The following WDR49 variants were observed in gnomAD, a reference collection of about 807,000 sequenced individuals.
The protein encoded by WDR49 is WD repeat domain 49, also known as cilia- and flagella-associated protein 337.
In WDR49, 107 loss-of-function variants were observed where a neutral mutation model predicts 119.5. The ratio of observed to expected loss-of-function variants is 0.90; its 90% CI spans 0.77 to 1.05. The LOEUF (loss-of-function observed/expected upper bound fraction) is 1.05. Among genes scored for constraint, WDR49 ranks in the 50% least tolerant of loss-of-function variants. The probability of loss-of-function intolerance (pLI) is 0.00; values close to 1 mark genes in which losing one functional copy is unlikely to be tolerated. For missense variants in WDR49, 1,240 were observed against 1,220.5 expected, an observed-to-expected ratio of 1.02 and a Z score of -0.24; for synonymous variants, 425 against 418.8, an observed-to-expected ratio of 1.01 and a Z score of -0.18.
At chr3:167,655,963 T>C (rs1718594201), upstream of WDR49, among the ~76,000 whole-genome samples, 4 of 152,098 alleles carry the variant, frequency 2.6e-5, no homozygotes, top group South Asian at 6.2e-4. Flanking sequence ...AAGTCCTGAA[T>C]TGTGACCTGG....
intron 15 of WDR49, 110 bp from the exon 16 acceptor site, chr3:167,522,594 C>T: frequency 9.1e-7 from 1 of 1,098,254 alleles, no homozygotes; most frequent in Non-Finnish European, 1.3e-6. Flanking sequence ...GGGTGGGACA[C>T]ACAAGAAGAT....
In WDR49 at chr3:167,539,517, C is replaced by T. The variant is rs190758294; in HGVS notation, c.1824-2517G>A. On this transcript the variant is annotated intron_variant, in intron 10 of 18. Transcript: ENST00000682715. ...CCTCTTCTGACCTCTTAACATCATTCACATTTAACTTGTAACATTTAATGT... is the reference window on the plus strand; with the variant it reads ...CCTCTTCTGACCTCTTAACATCATTTACATTTAACTTGTAACATTTAATGT... 1.3e-3 allele frequency among the ~76,000 whole-genome samples: 204 copies of T among 152,220 alleles called. 4 individuals carry two copies. The East Asian group carries it at 0.031, about 23-fold the overall frequency.
intron 11 of WDR49, among the ~76,000 whole-genome samples, chr3:167,534,801 T>A (rs1699774582): frequency 6.6e-6 from 1 of 152,188 alleles, no homozygotes; most frequent in Admixed American, 6.6e-5. Context: ...AGCATGCCTA[T>A]GAATCATTTT....
intron 8 of WDR49, chr3:167,566,953 A>G (rs1713642548): frequency 1.6e-6 from 1 of 610,368 alleles, no homozygotes; most frequent in East Asian, 2.9e-5. Flanking sequence ...GAGACCAAAG[A>G]GGTGGAGGAG....
intron 2 of WDR49, among the ~76,000 whole-genome samples, chr3:167,638,271 T>C (rs771216579): frequency 2.6e-5 from 4 of 151,652 alleles, no homozygotes; most frequent in African/African-American, 9.6e-5. Flanking sequence ...AAATTGCTCA[T>C]AATTGAATCT....
At chr3:167,598,094 C>A (rs1295144997) in intron 7 of WDR49, among the ~76,000 whole-genome samples, 1 of 152,018 alleles carries the variant, frequency 6.6e-6, no homozygotes, top group East Asian at 1.9e-4. Flanking sequence ...ATCACGAGGA[C>A]AGGAGATCGA....
At chr3:167,615,840 C>G (rs1716572113) in intron 5 of WDR49, among the ~76,000 whole-genome samples, 1 of 152,210 alleles carries the variant, frequency 6.6e-6, no homozygotes, top group South Asian at 2.1e-4. Context: ...GACACTCACT[C>G]CAGCATCCTT....
At chr3:167,503,845 T>G (rs1751671021) in intron 17 of WDR49, among the ~76,000 whole-genome samples, 1 of 152,246 alleles carries the variant, frequency 6.6e-6, no homozygotes, top group Admixed American at 6.5e-5. Context: ...CCAAAGGTGG[T>G]TGCCGTTGCC....
intron 17 of WDR49, 114 bp downstream of exon 17, chr3:167,505,193 C>G: frequency 8.1e-7 from 1 of 1,228,272 alleles, no homozygotes; most frequent in Non-Finnish European, 1.0e-6. Flanking sequence ...CAGAACATTA[C>G]ATTCATGTTT....
At chr3:167,554,211 C>T (rs929211041) in intron 10 of WDR49, among the ~76,000 whole-genome samples, 1 of 152,052 alleles carries the variant, frequency 6.6e-6, no homozygotes, top group Non-Finnish European at 1.5e-5. Flanking sequence ...TTTCGAAAGA[C>T]ATTTTCTGCA....
chr3:167,628,166 T>C (rs1717215665), intron 2 of WDR49, among the ~76,000 whole-genome samples: 1 of 152,064 alleles, frequency 6.6e-6, no homozygotes, highest in Admixed American at 6.6e-5. Flanking sequence ...CTCCCTTTCC[T>C]TGGGCCTCCC....
Position 167,621,631 on chromosome 3 carries a change from A to C in WDR49, c.619T>G (p.Phe207Val). The C allele has an allele frequency of 6.5e-7, 1 of 1,532,148 alleles. No homozygotes were observed. Among genetic ancestry groups the C allele is most frequent in the Non-Finnish European group, 8.7e-7 (1 of 1,145,264 alleles). The allele number at this position is 1,532,148 out of a possible 1,614,324, so 94.9% of individuals were successfully genotyped here. The change falls in exon 4 of 19, where the codon TTT (phenylalanine) becomes GTT (valine). Residue 207 changes from phenylalanine to valine, a missense_variant. By Grantham distance (50) the Phe-to-Val change is conservative. Transcript: ENST00000682715. ...TAGAAACAAACCTCTTTACTTGTAAAAGCCACTGCTATCTAAAGTAGCAGA... is the reference window on the plus strand; with the variant it reads ...TAGAAACAAACCTCTTTACTTGTAACAGCCACTGCTATCTAAAGTAGCAGA... ...LENVNKIAVA[F>V]TSKEVCFYDL...
At chr3:167,576,179 A>G (rs1714242949) in intron 7 of WDR49, 28 bp from the exon 8 acceptor site, 1 of 1,590,262 alleles carries the variant, frequency 6.3e-7, no homozygotes, top group Non-Finnish European at 8.6e-7. Flanking sequence ...AAATCATTTC[A>G]ATATGTCAAA....
chr3:167,567,058 T>C (rs10936541), intron 8 of WDR49, among the ~76,000 whole-genome samples: 30,420 of 152,044 alleles, frequency 0.2, 3,301 homozygotes, highest in South Asian at 0.27. Flanking sequence ...TTGCTCTTTC[T>C]TTTCTCTAAA....
At chr3:167,548,337 G>A (rs1441560941) in intron 10 of WDR49, among the ~76,000 whole-genome samples, 1 of 152,010 alleles carries the variant, frequency 6.6e-6, no homozygotes. Flanking sequence ...TGAGCAATTA[G>A]ATAATGGCAC....
rs548204627 is a variant in WDR49 at position 167,608,256 on chromosome 3, C to T, written c.959-3788G>A. Among the ~76,000 whole-genome samples the T allele has an allele frequency of 2.0e-5, 3 of 152,294 alleles. No individual in the cohort carries two copies. The East Asian group carries it at 5.8e-4, about 29-fold the overall frequency. On this transcript the variant is annotated intron_variant, in intron 5 of 18. Transcript: ENST00000682715. Reference sequence around the variant, plus strand: ...ATATTATAAGATGTAAACTATACAACATAATACTATAATTATATCTTCAAG... The same window carrying T: ...ATATTATAAGATGTAAACTATACAATATAATACTATAATTATATCTTCAAG...
intron 8 of WDR49, among the ~76,000 whole-genome samples, chr3:167,569,640 C>T (rs1435657945): frequency 3.4e-5 from 5 of 145,440 alleles, no homozygotes; most frequent in South Asian, 2.2e-4. Flanking sequence ...AAGGCTGCAG[C>T]GAGCCATGAT....
chr3:167,514,761 G>C (rs1225122219), intron 16 of WDR49, among the ~76,000 whole-genome samples: 1 of 151,414 alleles, frequency 6.6e-6, no homozygotes, highest in African/African-American at 2.4e-5. Context: ...AAGAAGAAAA[G>C]ACAGAAGAAT....
At chr3:167,510,376 A>C (rs1357959870) in intron 16 of WDR49, among the ~76,000 whole-genome samples, 2 of 152,228 alleles carry the variant, frequency 1.3e-5, no homozygotes, top group African/African-American at 2.4e-5. Flanking sequence ...CAAAAAACAA[A>C]TATTCCTATA....
Sources: allele counts gnomAD v4.1 joint callset (sites outside exome capture counted in the v4.1 genomes callset), GRCh38; gene constraint gnomAD v4.1.1; transcripts MANE v1.5; gene names NCBI Gene and HGNC (gene_info 2026-07-23, HGNC 2026-07-21).